The following ANAPC10 variants were observed in gnomAD, a reference collection of about 807,000 sequenced individuals.
ANAPC10 encodes the protein anaphase promoting complex subunit 10, also known as anaphase-promoting complex subunit 10.
ANAPC10 carries 12 observed loss-of-function variants against 22.0 expected under a neutral mutation model. That is an observed-to-expected ratio of 0.55 (90% CI 0.35 to 0.88). ANAPC10 has a LOEUF of 0.88. ANAPC10 is among the 40% of genes least tolerant of loss of function. The probability of loss-of-function intolerance (pLI) is 0.01; values close to 1 mark genes in which losing one functional copy is unlikely to be tolerated. For synonymous variants in ANAPC10, 65 were observed against 69.5 expected (o/e 0.94, Z 0.32); for missense variants, 188 against 220.9 (o/e 0.85, Z 0.94).
intron 3 of ANAPC10, among the ~76,000 whole-genome samples, chr4:145,081,306 G>A (rs971310999): frequency 5.5e-4 from 83 of 151,044 alleles, no homozygotes; most frequent in Middle Eastern, 6.9e-3. Context: ...AAAAACTTAC[G>A]ATCACTCCAG....
At chr4:145,073,891 T>C (rs967082231) in intron 3 of ANAPC10, among the ~76,000 whole-genome samples, 1 of 151,900 alleles carries the variant, frequency 6.6e-6, no homozygotes, top group Non-Finnish European at 1.5e-5. Flanking sequence ...TTGTAGAAAT[T>C]TTGATGAAGG....
chr4:144,999,220 T>C lies in ANAPC10; in HGVS notation c.328-3617A>G, dbSNP rs1732120551. ...GAGCTGGTACCATTCCTTCAGAAAC[T>C]ATTCCAATCAAGAGAAAAAGAGGGA... On this transcript the variant is annotated intron_variant, in intron 4 of 4. Transcript: ENST00000507656. 1.3e-5 allele frequency: 2 copies of C among 154,500 alleles called. 1 individual carries two copies. 9.6% of individuals were successfully genotyped at this position (154,500 alleles called of 1,614,324 possible). A position where few individuals can be genotyped will look rare whatever the true frequency, so the allele number is the denominator to read the frequency against.
At chr4:145,051,538 G>T (rs901200817) in intron 4 of ANAPC10, among the ~76,000 whole-genome samples, 1 of 152,148 alleles carries the variant, frequency 6.6e-6, no homozygotes, top group Non-Finnish European at 1.5e-5. Context: ...ATAAAATGCA[G>T]TTATCTATAA....
At chr4:145,036,117 G>C (rs1206190600) in intron 4 of ANAPC10, among the ~76,000 whole-genome samples, 1 of 152,126 alleles carries the variant, frequency 6.6e-6, no homozygotes, top group Non-Finnish European at 1.5e-5. Flanking sequence ...TTAAGCATTA[G>C]GACATGGTAT....
chr4:145,017,131 T>C (rs1735291840), intron 4 of ANAPC10, among the ~76,000 whole-genome samples: 1 of 152,120 alleles, frequency 6.6e-6, no homozygotes, highest in African/African-American at 2.4e-5. Context: ...GGGATCTAAT[T>C]AAACTAAAGA....
intron 4 of ANAPC10, among the ~76,000 whole-genome samples, chr4:145,043,461 C>A (rs1199525121): frequency 6.6e-6 from 1 of 152,074 alleles, no homozygotes; most frequent in East Asian, 1.9e-4. Flanking sequence ...CTAACCCTGA[C>A]AAGTGTGGAG....
intron 3 of ANAPC10, among the ~76,000 whole-genome samples, chr4:145,068,617 A>T (rs1382585087): frequency 6.6e-6 from 1 of 152,218 alleles, no homozygotes; most frequent in Non-Finnish European, 1.5e-5. Context: ...CTGGTATAAA[A>T]GTGAAAAATG....
intron 3 of ANAPC10, among the ~76,000 whole-genome samples, chr4:145,079,444 T>C (rs992677796): frequency 1.3e-5 from 2 of 152,230 alleles, no homozygotes; most frequent in Admixed American, 6.5e-5. Context: ...TGTAAATTAG[T>C]TCAGCCACTG....
chr4:145,054,301 C>T (rs959201577), intron 4 of ANAPC10, among the ~76,000 whole-genome samples: 25 of 150,886 alleles, frequency 1.7e-4, no homozygotes, highest in Middle Eastern at 3.4e-3. Context: ...CCTGTAATTC[C>T]AGCACTTTGG....
chr4:145,097,798 G>T, intron 1 of ANAPC10: 1 of 341,330 alleles, frequency 2.9e-6, no homozygotes, highest in Non-Finnish European at 5.8e-6. Flanking sequence ...CTTTAGGGCA[G>T]AATTCAACTG....
intron 2 of ANAPC10, among the ~76,000 whole-genome samples, chr4:145,089,666 T>C (rs929729215): frequency 2.6e-4 from 39 of 152,266 alleles, no homozygotes; most frequent in African/African-American, 8.2e-4. Flanking sequence ...TATTGAACCA[T>C]TATTTCAAAG....
chr4:145,084,562 T>C (rs1334021295), intron 2 of ANAPC10, among the ~76,000 whole-genome samples: 1 of 151,846 alleles, frequency 6.6e-6, no homozygotes, highest in Non-Finnish European at 1.5e-5. Context: ...ACACTAACAT[T>C]AACAATAGTT....
At chr4:145,002,674 C>T (rs952697659) in intron 4 of ANAPC10, among the ~76,000 whole-genome samples, 8 of 151,978 alleles carry the variant, frequency 5.3e-5, no homozygotes, top group African/African-American at 1.9e-4. Context: ...TTATCAAAAG[C>T]CCAAGATAGT....
intron 1 of ANAPC10, among the ~76,000 whole-genome samples, chr4:145,096,494 T>A (rs1191038790): frequency 6.6e-6 from 1 of 152,110 alleles, no homozygotes; most frequent in Non-Finnish European, 1.5e-5. Context: ...AGAATCAAAG[T>A]TTTGGCTTCA....
intron 4 of ANAPC10, among the ~76,000 whole-genome samples, chr4:145,030,813 G>A (rs1312223235): frequency 6.6e-6 from 1 of 152,206 alleles, no homozygotes; most frequent in Non-Finnish European, 1.5e-5. Flanking sequence ...CCCTGGAGGG[G>A]TTGCAAAGAT....
At chr4:145,035,195 T>G (rs1738324450) in intron 4 of ANAPC10, 1 of 152,234 alleles carries the variant, frequency 6.6e-6, no homozygotes, top group Non-Finnish European at 1.5e-5. Context: ...TGATTTCAGC[T>G]GATCTAGCTG....
intron 3 of ANAPC10, among the ~76,000 whole-genome samples, chr4:145,079,751 G>A (rs542311856): frequency 2.6e-5 from 4 of 152,184 alleles, no homozygotes; most frequent in African/African-American, 7.2e-5. Context: ...GCTGGAGGCC[G>A]GCATCCTAAG....
At chr4:145,097,750 T>C (rs1332594780) in intron 1 of ANAPC10, 1 of 351,374 alleles carries the variant, frequency 2.8e-6, no homozygotes, top group Non-Finnish European at 5.6e-6. Flanking sequence ...ACTAACTGAA[T>C]GTCCTGTTAC....
At chr4:145,090,277 T>C (rs536376504) in intron 2 of ANAPC10, among the ~76,000 whole-genome samples, 1 of 152,164 alleles carries the variant, frequency 6.6e-6, no homozygotes, top group Non-Finnish European at 1.5e-5. Context: ...TACAGTGTTG[T>C]TTTTCTATTT....
Sources: allele counts gnomAD v4.1 joint callset (sites outside exome capture counted in the v4.1 genomes callset), GRCh38; gene constraint gnomAD v4.1.1; transcripts MANE v1.5; gene names NCBI Gene and HGNC (gene_info 2026-07-23, HGNC 2026-07-21).